Variants in PTPRN2 observed in about 807,000 individuals in gnomAD.
PTPRN2 encodes the protein receptor-type tyrosine-protein phosphatase N2.
Under a neutral mutation model 118.8 loss-of-function variants are expected in PTPRN2, and 74 were observed. The ratio of observed to expected loss-of-function variants is 0.62; its 90% confidence interval spans 0.52 to 0.76. PTPRN2 has a LOEUF of 0.76. Among genes scored for constraint, PTPRN2 ranks in the 30% least tolerant of loss-of-function variants. The pLI is 0.00. For synonymous variants in PTPRN2, 641 were observed against 608.0 expected, an observed-to-expected ratio of 1.05 and a Z score of -0.80; for missense variants, 1,481 against 1,394.4, an observed-to-expected ratio of 1.06 and a Z score of -0.99.
intron 12 of PTPRN2, among the ~76,000 whole-genome samples, chr7:157,747,744 T>C (rs13232149): frequency 5.8e-4 from 62 of 107,210 alleles, no homozygotes; most frequent in South Asian, 7.4e-4. Flanking sequence ...GGCCTGCATC[T>C]CTGAGCTCTG....
At chr7:157,988,442 C>G (rs899773014) in intron 11 of PTPRN2, among the ~76,000 whole-genome samples, 4 of 152,190 alleles carry the variant, frequency 2.6e-5, no homozygotes, top group Admixed American at 1.3e-4. Context: ...CCTGCCTGCA[C>G]GTCTTGACAT....
intron 2 of PTPRN2, among the ~76,000 whole-genome samples, chr7:158,485,005 G>T (rs571637117): frequency 1.4e-3 from 210 of 152,062 alleles, no homozygotes; most frequent in African/African-American, 5.0e-3. Context: ...CCTCCCAGCC[G>T]CTGTTGCTGT....
chr7:157,721,302 A>G (rs1799218793), intron 12 of PTPRN2, among the ~76,000 whole-genome samples: 1 of 152,188 alleles, frequency 6.6e-6, no homozygotes, highest in East Asian at 1.9e-4. Context: ...CCTGGTCTGC[A>G]AGGGGCTTCC....
At chr7:158,440,788 ATGGGGGTGGTAG>A (rs1816955477) in intron 2 of PTPRN2, among the ~76,000 whole-genome samples, 1 of 100,840 alleles carries the variant, frequency 9.9e-6, no homozygotes, top group Admixed American at 1.2e-4. Context: ...GGTGATGGTG[ATGGGGGTGGTAG>A]TGGTGATGGT....
intron 6 of PTPRN2, among the ~76,000 whole-genome samples, chr7:158,162,997 G>A (rs949563899): frequency 1.1e-4 from 17 of 152,160 alleles, no homozygotes; most frequent in African/African-American, 3.6e-4. Context: ...CTCCCTTCCT[G>A]CTCGGGTGCA....
intron 2 of PTPRN2, among the ~76,000 whole-genome samples, chr7:158,419,387 T>TCATTGCAAGAATTCCG (rs1563271075): frequency 5.9e-4 from 2 of 3,390 alleles, no homozygotes; most frequent in African/African-American, 1.5e-3. Flanking sequence ...CAAGAATTCC[T>TCATTGCAAGAATTCCG]TCACTGCAAG....
intron 2 of PTPRN2, among the ~76,000 whole-genome samples, chr7:158,413,921 C>T (rs1416382096): frequency 6.6e-6 from 1 of 152,128 alleles, no homozygotes. Context: ...AGGTGAATTA[C>T]CTGAGGTCAG....
chr7:157,544,106 G>A (rs112829500), intron 22 of PTPRN2, among the ~76,000 whole-genome samples: 89 of 152,030 alleles, frequency 5.9e-4, no homozygotes, highest in African/African-American at 2.0e-3. Flanking sequence ...GAGGCGGAGA[G>A]AGGTGGAGAG....
intron 1 of PTPRN2, among the ~76,000 whole-genome samples, chr7:158,491,268 C>G (rs753229188): frequency 2.0e-5 from 3 of 152,216 alleles, no homozygotes; most frequent in Non-Finnish European, 2.9e-5. Flanking sequence ...AGTTGCAGGG[C>G]GGCCCCTGGC....
In PTPRN2 at chr7:158,003,268, G is replaced by T. The variant is rs1406143917; in HGVS notation, c.1723+78030C>A. 2.0e-5 allele frequency among the ~76,000 whole-genome samples: 3 copies of T among 151,786 alleles called. No homozygotes were observed. Among genetic ancestry groups the T allele is most frequent in the African/African-American group, 7.3e-5 (3 of 41,308 alleles). The stretch of plus-strand genomic sequence containing the variant: ...TTTCTACTAAAAATACAAAAAATTA[G>T]CCGGGCGTGTTGGCGGGCGCCTGTA... On this transcript the variant is annotated intron_variant, in intron 11 of 22. Coordinates refer to ENST00000389418, the MANE Select transcript of PTPRN2 (RefSeq NM_002847.5). This position sits in a 1 kb window ranked among gnomAD's most constrained non-coding sequence, Gnocchi z 5.0.
At chr7:158,137,737 T>C (rs1243379766) in intron 7 of PTPRN2, among the ~76,000 whole-genome samples, 2 of 152,204 alleles carry the variant, frequency 1.3e-5, no homozygotes, top group African/African-American at 4.8e-5. Context: ...AGCACGTACT[T>C]GTGGGGCTGC....
chr7:158,298,362 G>T (rs978935540), intron 3 of PTPRN2, among the ~76,000 whole-genome samples: 3 of 152,150 alleles, frequency 2.0e-5, no homozygotes, highest in Non-Finnish European at 4.4e-5. Flanking sequence ...TCCCTCATCT[G>T]AAATGTTTGG....
At chr7:158,235,945 G>C (rs1462746372) in intron 3 of PTPRN2, among the ~76,000 whole-genome samples, 1 of 152,096 alleles carries the variant, frequency 6.6e-6, no homozygotes, top group African/African-American at 2.4e-5. Flanking sequence ...GGAAGCAGCC[G>C]GTGTGACCAC....
In PTPRN2 at chr7:157,971,718, G is replaced by C. The variant is rs564441159; in HGVS notation, c.1724-72981C>G. On this transcript the variant is annotated intron_variant, in intron 11 of 22. Coordinates refer to ENST00000389418, the MANE Select transcript of PTPRN2 (RefSeq NM_002847.5). ...AAGAAAGAAAGAAAAAAAACCCACC[G>C]TTTTAGAATGCAGTAATGAGAGCAT... 6.6e-5 allele frequency among the ~76,000 whole-genome samples: 10 copies of C among 152,154 alleles called. 1 individual carries two copies. The East Asian group carries it at 1.9e-3, about 29-fold the overall frequency.
At chr7:157,669,430 C>A (rs1389619804) in intron 13 of PTPRN2, 1 of 455,182 alleles carries the variant, frequency 2.2e-6, no homozygotes, top group African/African-American at 2.0e-5. Context: ...CACGCGCACA[C>A]ACACACACAC....
chr7:157,568,031 G>A (rs2150507809), intron 21 of PTPRN2, among the ~76,000 whole-genome samples: 1 of 152,270 alleles, frequency 6.6e-6, no homozygotes, highest in South Asian at 2.1e-4. Context: ...TGACCTTAGA[G>A]GTTGGGTATT....
At chr7:158,121,974 C>G (rs1817210688) in intron 9 of PTPRN2, among the ~76,000 whole-genome samples, 1 of 152,246 alleles carries the variant, frequency 6.6e-6, no homozygotes, top group Non-Finnish European at 1.5e-5. Context: ...TCTAAAGCCA[C>G]AGCCATCATC....
intron 11 of PTPRN2, among the ~76,000 whole-genome samples, chr7:157,978,962 G>A (rs1336038737): frequency 6.6e-6 from 1 of 152,046 alleles, no homozygotes; most frequent in Non-Finnish European, 1.5e-5. Flanking sequence ...CCAGCGGAAG[G>A]CCCAGAGGGG....
chr7:158,227,262 AAGAC>A (rs751885526), intron 3 of PTPRN2, among the ~76,000 whole-genome samples: 53 of 152,272 alleles, frequency 3.5e-4, no homozygotes, highest in Non-Finnish European at 7.2e-4. Context: ...ATCGACAATA[AAGAC>A]AGACAGCCCA....
Sources: allele counts gnomAD v4.1 joint callset (sites outside exome capture counted in the v4.1 genomes callset), GRCh38; gene constraint gnomAD v4.1.1; non-coding constraint Gnocchi (gnomAD v3.1); transcripts MANE v1.5; gene names NCBI Gene and HGNC (gene_info 2026-07-23, HGNC 2026-07-21).